The following MYO1D variants were observed in gnomAD, a reference collection of about 807,000 sequenced individuals.
The protein encoded by MYO1D is unconventional myosin-Id.
Under a neutral mutation model 122.0 loss-of-function variants are expected in MYO1D, and 83 were observed. That is an observed-to-expected ratio of 0.68 (90% CI 0.57 to 0.82). The LOEUF (loss-of-function observed/expected upper bound fraction) is 0.82, where lower values mean the gene tolerates loss of function less well. MYO1D is among the 40% of genes least tolerant of loss of function. The probability of loss-of-function intolerance (pLI) is 0.00; values close to 1 mark genes in which losing one functional copy is unlikely to be tolerated. For missense variants in MYO1D, 1,157 were observed against 1,269.5 expected, an observed-to-expected ratio of 0.91 and a Z score of 1.35; for synonymous variants, 464 against 446.9, an observed-to-expected ratio of 1.04 and a Z score of -0.48.
In MYO1D at chr17:32,764,981, A is replaced by G; in HGVS notation, c.932T>C (p.Val311Ala). ...AELLSTKTDM[V>A]EKALLYRTVA... is the part of the protein sequence containing the mutation. ...AGTCCGGTAAAGAAGGGCTTTCTCA[A>G]CCATATCTGTCTTAGTAGAGAGCAA... is the stretch of plus-strand genomic sequence containing the variant. Residue 311 changes from valine to alanine, a missense_variant, in exon 8 of 22, where the codon GTT (valine) becomes GCT (alanine). Transcript: ENST00000318217. 1.9e-6 allele frequency: 3 copies of G among 1,614,208 alleles called. No homozygotes were observed. In the South Asian group the frequency reaches 3.3e-5, roughly 18 times the overall value.
intron 21 of MYO1D, chr17:32,505,007 C>T (rs973087606): frequency 9.2e-5 from 14 of 152,696 alleles, no homozygotes; most frequent in African/African-American, 3.4e-4. Context: ...GGCCTCAGCC[C>T]AGACCCTTTT....
At chr17:32,718,087 C>T (rs1324366700) in intron 15 of MYO1D, among the ~76,000 whole-genome samples, 1 of 152,052 alleles carries the variant, frequency 6.6e-6, no homozygotes, top group Admixed American at 6.5e-5. Context: ...GATCCTCTGG[C>T]CCACTAATTT....
chr17:32,603,314 C>T (rs1253070662), intron 21 of MYO1D, among the ~76,000 whole-genome samples: 1 of 152,014 alleles, frequency 6.6e-6, no homozygotes, highest in Non-Finnish European at 1.5e-5. Flanking sequence ...TAAATAAGCA[C>T]CCAGATAGAG....
chr17:32,503,249 C>T (rs1909380315), intron 21 of MYO1D, among the ~76,000 whole-genome samples: 2 of 152,206 alleles, frequency 1.3e-5, no homozygotes, highest in Non-Finnish European at 1.5e-5. Flanking sequence ...CCATCCAGGC[C>T]CCTGGTCAGC....
At chr17:32,823,019 CTT>C (rs2151059651) in intron 1 of MYO1D, among the ~76,000 whole-genome samples, 1 of 152,290 alleles carries the variant, frequency 6.6e-6, no homozygotes, top group East Asian at 1.9e-4. Context: ...TTAACCATGA[CTT>C]TTACTTGGTC....
At chr17:32,655,219 C>T (rs1231201014) in intron 17 of MYO1D, among the ~76,000 whole-genome samples, 2 of 152,158 alleles carry the variant, frequency 1.3e-5, no homozygotes, top group African/African-American at 4.8e-5. Context: ...AAATTGGATT[C>T]ATCATTCATT....
intron 21 of MYO1D, chr17:32,602,762 A>G (rs1035655449): frequency 2.6e-5 from 4 of 152,328 alleles, no homozygotes; most frequent in Non-Finnish European, 4.4e-5. Context: ...AATTGGTCTG[A>G]AGTTAATTCC....
chr17:32,566,536 TC>T (rs546904662), intron 21 of MYO1D, among the ~76,000 whole-genome samples: 1,683 of 151,876 alleles, frequency 0.011, 34 homozygotes, highest in African/African-American at 0.038. Flanking sequence ...TGGGGCCACA[TC>T]GTGTAGGCTG....
At chr17:32,702,807 G>GACTGTGGACCCCACAGTTC (rs1434401958) in intron 16 of MYO1D, among the ~76,000 whole-genome samples, 3 of 152,182 alleles carry the variant, frequency 2.0e-5, no homozygotes, top group Non-Finnish European at 4.4e-5. Context: ...ATTCAAGCTT[G>GACTGTGGACCCCACAGTTC]ACTGTGGACC....
At chr17:32,669,915 T>A (rs2729341) in intron 16 of MYO1D, among the ~76,000 whole-genome samples, 3 of 150,724 alleles carry the variant, frequency 2.0e-5, no homozygotes, top group Middle Eastern at 3.2e-3. Flanking sequence ...TTTTTTCAGG[T>A]GGAGTCTCAC....
chr17:32,710,822 TAATC>T (rs376475502), intron 16 of MYO1D, among the ~76,000 whole-genome samples: 8 of 152,246 alleles, frequency 5.3e-5, no homozygotes, highest in African/African-American at 1.9e-4. Context: ...TTTAATGAGA[TAATC>T]AAACTCAAAG....
chr17:32,707,791 G>T (rs537776752), intron 16 of MYO1D, among the ~76,000 whole-genome samples: 1 of 152,320 alleles, frequency 6.6e-6, no homozygotes, highest in African/African-American at 2.4e-5. Context: ...CTGGAATTTT[G>T]GTACATGATA....
At chr17:32,573,542 G>T (rs552055160) in intron 21 of MYO1D, among the ~76,000 whole-genome samples, 154 of 151,810 alleles carry the variant, frequency 1.0e-3, no homozygotes, top group African/African-American at 3.7e-3. Flanking sequence ...TTTTTTGAGG[G>T]AAGGTTTTGG....
intron 21 of MYO1D, among the ~76,000 whole-genome samples, chr17:32,520,459 G>A (rs576556093): frequency 6.6e-6 from 1 of 152,382 alleles, no homozygotes; most frequent in Non-Finnish European, 1.5e-5. Context: ...ACGGGGGCAG[G>A]AACATAGGTC....
At chr17:32,749,279 C>T (rs1433902246) in intron 11 of MYO1D, among the ~76,000 whole-genome samples, 16 of 152,192 alleles carry the variant, frequency 1.1e-4, no homozygotes, top group Non-Finnish European at 1.5e-5. Flanking sequence ...GTTCTAGGCC[C>T]AAACTGGTGA....
At chr17:32,706,897 C>T (rs1283350960) in intron 16 of MYO1D, among the ~76,000 whole-genome samples, 2 of 151,952 alleles carry the variant, frequency 1.3e-5, no homozygotes, top group Non-Finnish European at 1.5e-5. Context: ...GGGGTTTCAC[C>T]GTGTTAGCCA....
At chr17:32,755,283 GATTAA>G (rs769484807) in intron 11 of MYO1D, among the ~76,000 whole-genome samples, 8 of 152,128 alleles carry the variant, frequency 5.3e-5, no homozygotes, top group Admixed American at 2.0e-4. Context: ...CCCTCTCCTG[GATTAA>G]CATGATTTTA....
At chr17:32,537,154 C>T (rs540916506) in intron 21 of MYO1D, among the ~76,000 whole-genome samples, 3 of 152,238 alleles carry the variant, frequency 2.0e-5, no homozygotes, top group Admixed American at 1.3e-4. Flanking sequence ...TTTTCAGTCC[C>T]GTGTGGCCCA....
chr17:32,544,332 T>A (rs952958591), intron 21 of MYO1D, among the ~76,000 whole-genome samples: 1 of 151,018 alleles, frequency 6.6e-6, no homozygotes. Flanking sequence ...AACTCCTAGG[T>A]TCAAGCGATC....
Sources: gnomAD v4.1 joint callset for allele counts (sites outside exome capture counted in the v4.1 genomes callset) on GRCh38, gnomAD v4.1.1 for gene constraint, MANE v1.5 for transcripts, NCBI Gene and HGNC (gene_info 2026-07-23, HGNC 2026-07-21) for gene names.